EHD1: variants seen among roughly 807,000 people sequenced by gnomAD.
EHD1 encodes EH domain containing 1.
Under a neutral mutation model 39.0 loss-of-function variants are expected in EHD1, and 19 were observed. The observed-to-expected ratio is 0.49, with a 90% CI of 0.34 to 0.72. EHD1 has a LOEUF of 0.72. Ranked by LOEUF, EHD1 falls within the 30% of genes least tolerant of loss-of-function variation. The pLI, the probability that EHD1 is intolerant of heterozygous loss-of-function variation, is 0.01. For missense variants in EHD1, 542 were observed against 751.5 expected (o/e 0.72, Z 3.26); for synonymous variants, 323 against 331.2 (o/e 0.98, Z 0.27).
At chr11:64,863,606 G>A (rs928257463) in intron 2 of EHD1, among the ~76,000 whole-genome samples, 1 of 152,208 alleles carries the variant, frequency 6.6e-6, no homozygotes, top group Non-Finnish European at 1.5e-5. Context: ...GCGGAGTCAA[G>A]CTCGCTCATG....
At chr11:64,854,979 A>G (rs765718208) in intron 4 of EHD1, 122 bp from the exon 5 acceptor site, 317 of 1,265,670 alleles carry the variant, frequency 2.5e-4, no homozygotes, top group Non-Finnish European at 3.2e-4. Flanking sequence ...AGCAGGGGCG[A>G]CTCGGCAAAA....
At chr11:64,877,986 C>G (rs1357841416) in intron 1 of EHD1, 75 bp downstream of exon 1, 1 of 1,406,946 alleles carries the variant, frequency 7.1e-7, no homozygotes, top group Non-Finnish European at 9.3e-7. Context: ...GGGCGACAGC[C>G]ACGGGAGGGT....
rs545415644 is a variant in EHD1, at chr11:64,874,574, G to A, written c.405-56C>T. On this transcript the variant is annotated intron_variant, in intron 1 of 4. Coordinates refer to ENST00000320631, the MANE Select transcript of EHD1 (RefSeq NM_006795.4). Reference sequence around the variant, plus strand: ...GTCAAGACACAGTCATCACTGCTCCGGACACAACAAAGGGCTCTCTGTACT... The same window carrying A: ...GTCAAGACACAGTCATCACTGCTCCAGACACAACAAAGGGCTCTCTGTACT... The A allele has an allele frequency of 1.8e-4, 249 of 1,415,790 alleles. 1 individual carries two copies. In the South Asian group the frequency reaches 2.3e-3, roughly 13 times the overall value. 87.7% of individuals were successfully genotyped at this position (1,415,790 alleles called of 1,614,324 possible).
intron 2 of EHD1, among the ~76,000 whole-genome samples, chr11:64,871,212 T>C (rs1023792773): frequency 2.6e-5 from 4 of 151,950 alleles, no homozygotes; most frequent in Non-Finnish European, 4.4e-5. Context: ...AGGGGAGGCG[T>C]GTTGTGCTGG....
At chr11:64,857,400 G>T (rs921108916) in intron 3 of EHD1, among the ~76,000 whole-genome samples, 13 of 151,952 alleles carry the variant, frequency 8.6e-5, no homozygotes, top group Admixed American at 8.5e-4. Context: ...CTCCAGCCTA[G>T]GTAACAGAGT....
chr11:64,862,599 C>T (rs1405971661), intron 2 of EHD1, among the ~76,000 whole-genome samples: 2 of 152,208 alleles, frequency 1.3e-5, no homozygotes, highest in Non-Finnish European at 1.5e-5. Context: ...ATTTTTGGGT[C>T]TCTGTAACAG....
intron 1 of EHD1, among the ~76,000 whole-genome samples, chr11:64,875,072 A>G (rs1218015471): frequency 6.6e-6 from 1 of 152,238 alleles, no homozygotes; most frequent in Non-Finnish European, 1.5e-5. Context: ...CAGACGCGCC[A>G]TTCTCTGAAA....
chr11:64,870,738 G>A (rs1943820165), intron 2 of EHD1, among the ~76,000 whole-genome samples: 1 of 152,220 alleles, frequency 6.6e-6, no homozygotes, highest in African/African-American at 2.4e-5. Flanking sequence ...CAACTGGTCG[G>A]CAGCCCCTGG....
intron 2 of EHD1, among the ~76,000 whole-genome samples, chr11:64,873,417 T>A (rs1403757861): frequency 6.6e-6 from 1 of 152,206 alleles, no homozygotes; most frequent in Non-Finnish European, 1.5e-5. Context: ...CTAAAGCTAA[T>A]AAGCTCTGGG....
chr11:64,861,978 G>A (rs112273007), intron 2 of EHD1, among the ~76,000 whole-genome samples: 221 of 152,212 alleles, frequency 1.5e-3, no homozygotes, highest in African/African-American at 4.8e-3. Context: ...CACAATCTTC[G>A]CTCACTGCAA....
chr11:64,855,126 A>C, intron 4 of EHD1, 196 bp downstream of exon 4: 2 of 960,312 alleles, frequency 2.1e-6, no homozygotes, highest in East Asian at 5.3e-5. Context: ...ACGCAGGGTG[A>C]GTCACCACAT....
At chr11:64,878,949 C>T, upstream of EHD1, 6 of 1,005,998 alleles carry the variant, frequency 6.0e-6, no homozygotes, top group South Asian at 8.4e-5. Context: ...GCACCGTGGC[C>T]CCCCCACACC....
chr11:64,875,960 G>A lies in EHD1; in HGVS notation c.405-1442C>T, dbSNP rs147283911. 7.0e-4 allele frequency among the ~76,000 whole-genome samples: 106 copies of A among 152,296 alleles called. No homozygotes were observed. In the East Asian group the frequency reaches 0.02, roughly 29 times the overall value. The stretch of plus-strand genomic sequence containing the variant: ...ATACATAAAAATGCCTCATAAATGA[G>A]CCCAGAAAGTGAGTTAATATCTATA... On this transcript the variant is annotated intron_variant, in intron 1 of 4. Coordinates refer to ENST00000320631, the MANE Select transcript of EHD1 (RefSeq NM_006795.4).
intron 2 of EHD1, among the ~76,000 whole-genome samples, chr11:64,866,952 G>C (rs569503133): frequency 6.6e-6 from 1 of 152,266 alleles, no homozygotes; most frequent in South Asian, 2.1e-4. Context: ...CGGGGTGCAG[G>C]GAGCCACGAG....
chr11:64,868,479 A>G lies in EHD1; in HGVS notation c.502+5942T>C, dbSNP rs1243521479. 6.6e-6 allele frequency among the ~76,000 whole-genome samples: 1 copy of G among 152,218 alleles called. No individual in the cohort carries two copies. Among genetic ancestry groups the G allele is most frequent in the Admixed American group, 6.5e-5 (1 of 15,290 alleles). On this transcript the variant is annotated intron_variant, in intron 2 of 4. Transcript: ENST00000320631. This position sits in a 1 kb window ranked among gnomAD's most constrained non-coding sequence, Gnocchi z 4.2. ...ACGGATGGTGCATCCCTATGATGGGACAAGGACCCCCAACAAAGAGGAGCG... is the reference window on the plus strand; with the variant it reads ...ACGGATGGTGCATCCCTATGATGGGGCAAGGACCCCCAACAAAGAGGAGCG...
chr11:64,876,985 A>G (rs683507), intron 1 of EHD1, among the ~76,000 whole-genome samples: 151,542 of 152,350 alleles, frequency 0.99, 75,375 homozygotes, highest in East Asian at 1. Context: ...TGCCCTGCAC[A>G]GCTGGATGGC....
chr11:64,856,830 A>G (rs1943658716), intron 3 of EHD1, among the ~76,000 whole-genome samples: 1 of 152,206 alleles, frequency 6.6e-6, no homozygotes, highest in South Asian at 2.1e-4. Context: ...TGGAGGCCAC[A>G]GGGTTTTCCA....
rs1943910511 is a variant in EHD1, at chr11:64,878,317, G to C, written c.148C>G (p.Leu50Val). The change falls in exon 1 of 5, where the codon CTG becomes GTG. Residue 50 changes from leucine to valine, a missense_variant. Coordinates refer to ENST00000320631, the MANE Select transcript of EHD1 (RefSeq NM_006795.4). ...YRFHEFHSPA[L>V]EDADFDNKPM... The stretch of plus-strand genomic sequence containing the variant: ...TTGTTGTCGAAGTCAGCGTCCTCCA[G>C]CGCGGGCGAGTGGAACTCGTGGAAG... 1.9e-6 allele frequency: 3 copies of C among 1,614,196 alleles called. No individual in the cohort carries two copies. The highest frequency in any genetic ancestry group is 2.5e-6 in the Non-Finnish European group (3 of 1,180,040).
At position 64,854,260 on chromosome 11, in the gene EHD1, G is replaced by T; in HGVS notation, c.*73C>A. 2.0e-6 allele frequency: 3 copies of T among 1,498,466 alleles called. No individual in the cohort carries two copies. The highest frequency in any genetic ancestry group is 8.9e-7 in the Non-Finnish European group (1 of 1,127,144). The allele number at this position is 1,498,466 out of a possible 1,614,324, so 92.8% of individuals were successfully genotyped here. On this transcript the variant is annotated 3_prime_UTR_variant, in exon 5 of 5. Coordinates refer to ENST00000320631, the MANE Select transcript of EHD1 (RefSeq NM_006795.4). The stretch of plus-strand genomic sequence containing the variant: ...TCAGTCTTTATGGACCTTGAGAAAT[G>T]GTGAGGCTTCCCCTCCCCCCGTCTC...
Sources: gnomAD v4.1 joint callset for allele counts (sites outside exome capture counted in the v4.1 genomes callset) on GRCh38, gnomAD v4.1.1 for gene constraint, Gnocchi (gnomAD v3.1) non-coding constraint, MANE v1.5 for transcripts, NCBI Gene and HGNC (gene_info 2026-07-23, HGNC 2026-07-21) for gene names.